POFUT1: variants seen among roughly 807,000 people sequenced by gnomAD.
POFUT1 encodes protein O-fucosyltransferase 1, also known as GDP-fucose protein O-fucosyltransferase 1.
POFUT1 carries 16 observed loss-of-function variants against 42.4 expected under a neutral mutation model. The ratio of observed to expected loss-of-function variants is 0.38; its 90% CI spans 0.26 to 0.57. The LOEUF (loss-of-function observed/expected upper bound fraction) is 0.57. POFUT1 is among the 20% of genes least tolerant of loss of function. POFUT1 has a pLI of 0.71. For missense variants in POFUT1, 470 were observed against 504.6 expected, an observed-to-expected ratio of 0.93 and a Z score of 0.66; for synonymous variants, 206 against 205.4, an observed-to-expected ratio of 1.00 and a Z score of -0.03.
At chr20:32,224,037 A>G (rs906553383) in intron 4 of POFUT1, among the ~76,000 whole-genome samples, 2 of 152,224 alleles carry the variant, frequency 1.3e-5, no homozygotes, top group African/African-American at 4.8e-5. Flanking sequence ...AAACAATTGG[A>G]GCATTGCCTA....
rs751482931 is a variant in POFUT1 at position 32,210,106 on chromosome 20, T to A, written c.160T>A (p.Ser54Thr). Residue 54 changes from serine to threonine, a missense_variant, in exon 2 of 7, where the codon TCT (serine) becomes ACT (threonine). Ser to Thr is a moderately conservative substitution (Grantham distance 58, BLOSUM62 1). Transcript: ENST00000375749. ...GAACCAGGCCGATCACTTCTTGGGC[T>A]CTCTGGCATTTGCAAAGCTGCTAAA... ...FGNQADHFLG[S>T]LAFAKLLNRT... The A allele has an allele frequency of 2.5e-6, 4 of 1,614,180 alleles. No homozygotes were observed. The South Asian group carries it at 4.4e-5, about 18-fold the overall frequency.
In POFUT1 at chr20:32,228,474, T is replaced by G. The variant is rs372780908; in HGVS notation, c.735+19T>G. On this transcript the variant is annotated intron_variant, in intron 5 of 6. Transcript: ENST00000375749. ...TGACTGGGTAACTTCCCCCTTCCTC[T>G]CTCACTGGCTAACTTGGATGTGTCC... The G allele has an allele frequency of 8.7e-6, 14 of 1,607,548 alleles. No individual in the cohort carries two copies. The African/African-American group carries it at 1.7e-4, about 20-fold the overall frequency.
At chr20:32,216,818 G>A in intron 4 of POFUT1, 97 bp downstream of exon 4, 1 of 1,372,784 alleles carries the variant, frequency 7.3e-7, no homozygotes, top group Non-Finnish European at 1.0e-6. Flanking sequence ...TCCCAACTCT[G>A]ATGTATGAGA....
chr20:32,225,213 G>A (rs759047779), intron 4 of POFUT1, among the ~76,000 whole-genome samples: 10 of 151,432 alleles, frequency 6.6e-5, no homozygotes, highest in South Asian at 2.1e-4. Context: ...TTTTTGAGAC[G>A]GAGTCTTGCT....
intron 2 of POFUT1, among the ~76,000 whole-genome samples, chr20:32,210,818 A>T (rs944181013): frequency 2.1e-4 from 32 of 152,252 alleles, no homozygotes; most frequent in African/African-American, 7.5e-4. Flanking sequence ...GGAGCCTGGC[A>T]GTAGGAACTT....
intron 4 of POFUT1, among the ~76,000 whole-genome samples, chr20:32,227,385 T>C (rs1472094390): frequency 6.7e-6 from 1 of 149,172 alleles, no homozygotes; most frequent in African/African-American, 2.6e-5. Context: ...CTGGGCCTGG[T>C]GGCACTTATC....
At chr20:32,232,590 G>A (rs555874357) in intron 6 of POFUT1, among the ~76,000 whole-genome samples, 2 of 152,142 alleles carry the variant, frequency 1.3e-5, no homozygotes, top group African/African-American at 2.4e-5. Context: ...ATAGCAAGAT[G>A]ATGATTTTTG....
rs370345514 is a variant in POFUT1, at chr20:32,219,281, G to A, written c.542+2560G>A. On this transcript the variant is annotated intron_variant, in intron 4 of 6. Coordinates refer to ENST00000375749, the MANE Select transcript of POFUT1 (RefSeq NM_015352.2). ...ATAAACAGGTGGTATGTGATTGGCAGGGCTAAGACCAGAAGGATGAGAAGG... is the reference window on the plus strand; with the variant it reads ...ATAAACAGGTGGTATGTGATTGGCAAGGCTAAGACCAGAAGGATGAGAAGG... Among the ~76,000 whole-genome samples, 100 of 152,278 alleles carry A rather than the reference G, an allele frequency of 6.6e-4. 1 individual carries two copies. The highest frequency in any genetic ancestry group is 2.3e-3 in the African/African-American group (94 of 41,550).
chr20:32,211,641 C>A (rs2047329736), intron 2 of POFUT1, among the ~76,000 whole-genome samples: 1 of 152,176 alleles, frequency 6.6e-6, no homozygotes, highest in Non-Finnish European at 1.5e-5. Flanking sequence ...GTCTCCTTGC[C>A]TTCTCAGCCA....
chr20:32,208,479 G>C (rs1280805823), intron 1 of POFUT1, among the ~76,000 whole-genome samples: 2 of 151,988 alleles, frequency 1.3e-5, no homozygotes, highest in African/African-American at 4.8e-5. Context: ...GATAAACTCC[G>C]TGTCCTTGTA....
At chr20:32,226,126 G>GTTTTGT (rs2047413675) in intron 4 of POFUT1, among the ~76,000 whole-genome samples, 1 of 152,256 alleles carries the variant, frequency 6.6e-6, no homozygotes, top group Admixed American at 6.5e-5. Context: ...GTTTTGTTTT[G>GTTTTGT]TTTTTAAACC....
At chr20:32,233,062 C>T (rs2047451155) in intron 6 of POFUT1, among the ~76,000 whole-genome samples, 1 of 152,246 alleles carries the variant, frequency 6.6e-6, no homozygotes, top group Admixed American at 6.5e-5. Flanking sequence ...ATTCACCTGT[C>T]CACTCACCAG....
intron 4 of POFUT1, among the ~76,000 whole-genome samples, chr20:32,218,198 A>G (rs1253123583): frequency 6.6e-6 from 1 of 152,192 alleles, no homozygotes; most frequent in Non-Finnish European, 1.5e-5. Flanking sequence ...GTACAGTAGC[A>G]TGATCATAAC....
chr20:32,216,813 A>G (rs1047352079), intron 4 of POFUT1, 92 bp downstream of exon 4: 1 of 1,370,672 alleles, frequency 7.3e-7, no homozygotes, highest in Non-Finnish European at 1.0e-6. Context: ...CATCTTCCCA[A>G]CTCTGATGTA....
At chr20:32,232,066 G>A (rs887575795) in intron 6 of POFUT1, among the ~76,000 whole-genome samples, 4 of 152,172 alleles carry the variant, frequency 2.6e-5, no homozygotes, top group Non-Finnish European at 4.4e-5. Context: ...ACTGGGTACC[G>A]CTGGCTTTAT....
At chr20:32,232,123 G>A (rs1360346714) in intron 6 of POFUT1, among the ~76,000 whole-genome samples, 1 of 152,146 alleles carries the variant, frequency 6.6e-6, no homozygotes, top group Non-Finnish European at 1.5e-5. Context: ...GGAAGCTCCA[G>A]TGCAGAGAGG....
At chr20:32,216,786 C>A in intron 4 of POFUT1, 65 bp downstream of exon 4, 2 of 1,367,390 alleles carry the variant, frequency 1.5e-6, no homozygotes, top group Non-Finnish European at 2.1e-6. Flanking sequence ...GCATTCAGCA[C>A]CTTCTGGCAC....
At chr20:32,222,298 G>A (rs767697852) in intron 4 of POFUT1, among the ~76,000 whole-genome samples, 9 of 152,036 alleles carry the variant, frequency 5.9e-5, no homozygotes, top group Non-Finnish European at 1.3e-4. Context: ...GTGAGACTTC[G>A]CCTCAAAAAA....
intron 4 of POFUT1, among the ~76,000 whole-genome samples, chr20:32,226,424 A>G (rs2047415012): frequency 6.6e-6 from 1 of 151,358 alleles, no homozygotes; most frequent in Non-Finnish European, 1.5e-5. Flanking sequence ...GTTTTCTTGT[A>G]CTTACTTCTG....
Sources: allele counts gnomAD v4.1 joint callset (sites outside exome capture counted in the v4.1 genomes callset), GRCh38; gene constraint gnomAD v4.1.1; transcripts MANE v1.5; gene names NCBI Gene and HGNC (gene_info 2026-07-23, HGNC 2026-07-21).